The following TSPAN9 variants were observed in gnomAD, a reference collection of about 807,000 sequenced individuals.
The protein encoded by TSPAN9 is tetraspanin-9.
A neutral mutation model predicts 31.0 loss-of-function variants in TSPAN9; 16 were observed. That is an observed-to-expected ratio of 0.52 (90% CI 0.35 to 0.78). The LOEUF (loss-of-function observed/expected upper bound fraction) is 0.78. Among genes scored for constraint, TSPAN9 ranks in the 30% least tolerant of loss-of-function variants. The pLI is 0.01. For missense variants in TSPAN9, 272 were observed against 312.5 expected (o/e 0.87, Z 0.98); for synonymous variants, 145 against 121.6 (o/e 1.19, Z -1.27).
At chr12:3,154,362 G>T (rs1442391362) in intron 2 of TSPAN9, among the ~76,000 whole-genome samples, 1 of 152,134 alleles carries the variant, frequency 6.6e-6, no homozygotes, top group Non-Finnish European at 1.5e-5. Context: ...TAGATTTTGC[G>T]TATGTTGCTT....
intron 3 of TSPAN9, among the ~76,000 whole-genome samples, chr12:3,260,493 G>A (rs567890383): frequency 4.7e-4 from 71 of 152,332 alleles, no homozygotes; most frequent in African/African-American, 1.6e-3. Flanking sequence ...AGAACAGGGC[G>A]AACCCTCATA....
At position 3,283,783 on chromosome 12, in the gene TSPAN9, C is replaced by T. The variant is rs2302268; in HGVS notation, c.*667C>T. On this transcript the variant is annotated 3_prime_UTR_variant, in exon 9 of 9. Transcript: ENST00000011898. ...TGGGTGGGAAGAGAGGACATCTGTC[C>T]AGTCTCAATCAGGACAGACCACCGT... The T allele has an allele frequency of 2.4e-3, 366 of 152,604 alleles. 3 individuals carry two copies. Among genetic ancestry groups the T allele is most frequent in the East Asian group, 0.017 (89 of 5,164 alleles). 9.5% of individuals were successfully genotyped at this position (152,604 alleles called of 1,614,324 possible). A position where few individuals can be genotyped will look rare whatever the true frequency, so the allele number is the denominator to read the frequency against.
At chr12:3,078,720 C>G (rs1349458002) in intron 1 of TSPAN9, among the ~76,000 whole-genome samples, 1 of 151,592 alleles carries the variant, frequency 6.6e-6, no homozygotes, top group Non-Finnish European at 1.5e-5. Flanking sequence ...AAGTGTAATT[C>G]AGTTCTACTC....
chr12:3,109,563 C>T (rs2098317210), intron 2 of TSPAN9, among the ~76,000 whole-genome samples: 1 of 151,282 alleles, frequency 6.6e-6, no homozygotes, highest in African/African-American at 2.4e-5. Flanking sequence ...TTTGGGAGGC[C>T]GAGGAGGGTG....
rs575340144 is a variant in TSPAN9 at position 3,266,569 on chromosome 12, A to G, written c.64-11852A>G. Among the ~76,000 whole-genome samples, 32 of 152,196 alleles carry G rather than the reference A, an allele frequency of 2.1e-4. 1 individual carries two copies. Among genetic ancestry groups the G allele is most frequent in the Admixed American group, 5.2e-4 (8 of 15,286 alleles). On this transcript the variant is annotated intron_variant, in intron 3 of 8. Transcript: ENST00000011898. The stretch of plus-strand genomic sequence containing the variant: ...AGCAGCTTTCAACGGAGTAACCTGA[A>G]TTGCCATGCACATGTTGCAAACAGG...
At chr12:3,233,213 G>A (rs1475190474) in intron 3 of TSPAN9, among the ~76,000 whole-genome samples, 1 of 152,128 alleles carries the variant, frequency 6.6e-6, no homozygotes, top group Non-Finnish European at 1.5e-5. Flanking sequence ...GAATTCTCAA[G>A]CTTCCAGGAT....
intron 2 of TSPAN9, among the ~76,000 whole-genome samples, chr12:3,089,060 A>G (rs895394087): frequency 2.0e-5 from 3 of 151,720 alleles, no homozygotes; most frequent in East Asian, 2.0e-4. Flanking sequence ...GTGAAACCCC[A>G]TCTGTACTAA....
chr12:3,263,054 A>C (rs1308479964), intron 3 of TSPAN9, among the ~76,000 whole-genome samples: 1 of 152,170 alleles, frequency 6.6e-6, no homozygotes, highest in African/African-American at 2.4e-5. Context: ...TGCCACTCTT[A>C]GGGAGGCAGA....
intron 2 of TSPAN9, among the ~76,000 whole-genome samples, chr12:3,113,523 G>A (rs1237320262): frequency 6.6e-6 from 1 of 152,216 alleles, no homozygotes; most frequent in Non-Finnish European, 1.5e-5. Flanking sequence ...GGTAAATAAA[G>A]TGATGTGTAC....
At chr12:3,108,477 G>A (rs1177405107) in intron 2 of TSPAN9, among the ~76,000 whole-genome samples, 2 of 152,112 alleles carry the variant, frequency 1.3e-5, no homozygotes, top group Non-Finnish European at 2.9e-5. Context: ...GGAGTCTCTG[G>A]TGTCCCGTGG....
chr12:3,079,451 C>G (rs897988838), intron 1 of TSPAN9, among the ~76,000 whole-genome samples: 15 of 152,150 alleles, frequency 9.9e-5, no homozygotes, highest in Admixed American at 7.2e-4. Flanking sequence ...CTCTGCCCTT[C>G]TTCTATTTTA....
In TSPAN9 at chr12:3,187,266, G is replaced by C. The variant is rs1448728777; in HGVS notation, c.-17-13911G>C. Among the ~76,000 whole-genome samples, 2 of 152,212 alleles carry C rather than the reference G, an allele frequency of 1.3e-5. No homozygotes were observed. The highest frequency in any genetic ancestry group is 2.4e-5 in the African/African-American group (1 of 41,452). On this transcript the variant is annotated intron_variant, in intron 2 of 8. Coordinates refer to ENST00000011898, the MANE Select transcript of TSPAN9 (RefSeq NM_006675.5). This position sits in a 1 kb window ranked among gnomAD's most constrained non-coding sequence, Gnocchi z 5.2. ...GGCGGGGCAGTGGTGTGTTTTCCAG[G>C]ATTGGCAGGGCTTGTCCTTTGGTGT...
chr12:3,274,681 C>T (rs536350641), intron 3 of TSPAN9, among the ~76,000 whole-genome samples: 1 of 152,218 alleles, frequency 6.6e-6, no homozygotes, highest in Non-Finnish European at 1.5e-5. Context: ...AAAATCGAGG[C>T]GTGACCTTTG....
At chr12:3,272,506 T>C (rs976779982) in intron 3 of TSPAN9, among the ~76,000 whole-genome samples, 4 of 151,898 alleles carry the variant, frequency 2.6e-5, no homozygotes, top group Non-Finnish European at 5.9e-5. Context: ...TGTTTTTTTT[T>C]TTTTTCCCCA....
At chr12:3,208,502 G>A (rs1212474693) in intron 3 of TSPAN9, among the ~76,000 whole-genome samples, 2 of 152,188 alleles carry the variant, frequency 1.3e-5, no homozygotes, top group Non-Finnish European at 2.9e-5. Flanking sequence ...CCTGGACCCA[G>A]CCAGCTGGGC....
chr12:3,228,832 G>A (rs1302906911), intron 3 of TSPAN9, among the ~76,000 whole-genome samples: 1 of 152,210 alleles, frequency 6.6e-6, no homozygotes, highest in African/African-American at 2.4e-5. Context: ...GTCTGAAATT[G>A]AAGTGTTGCA....
At chr12:3,186,701 G>T (rs2098361621) in intron 2 of TSPAN9, among the ~76,000 whole-genome samples, 1 of 152,152 alleles carries the variant, frequency 6.6e-6, no homozygotes, top group Non-Finnish European at 1.5e-5. Flanking sequence ...TAGTATAAGA[G>T]CTAATTTCAG....
chr12:3,200,807 G>T (rs1483292424), intron 2 of TSPAN9: 1 of 209,672 alleles, frequency 4.8e-6, no homozygotes, highest in Non-Finnish European at 9.4e-6. Context: ...CAGAGAGGGG[G>T]CGTGCAAGGC....
Position 3,170,580 on chromosome 12 carries a change from T to A in TSPAN9, c.-17-30597T>A, listed in dbSNP as rs2098351217. On this transcript the variant is annotated intron_variant, in intron 2 of 8. Transcript: ENST00000011898. The surrounding 1 kb of genome is among the most constrained non-coding windows in gnomAD (Gnocchi z 4.4). ...GTGGCGTAGATAAGAGATCACTGAG[T>A]CAGTTCTGTGTGGGGGGGTCGTGAT... 6.9e-6 allele frequency among the ~76,000 whole-genome samples: 1 copy of A among 145,970 alleles called. No homozygotes were observed. The highest frequency in any genetic ancestry group is 1.5e-5 in the Non-Finnish European group (1 of 66,202).
Sources: allele counts gnomAD v4.1 joint callset (sites outside exome capture counted in the v4.1 genomes callset), GRCh38; gene constraint gnomAD v4.1.1; non-coding constraint Gnocchi (gnomAD v3.1); transcripts MANE v1.5; gene names NCBI Gene and HGNC (gene_info 2026-07-23, HGNC 2026-07-21).